ST18: variants seen among roughly 807,000 people sequenced by gnomAD.
ST18 encodes suppression of tumorigenicity 18 protein.
In ST18, 50 loss-of-function variants were observed where a neutral mutation model predicts 110.0. That is an observed-to-expected ratio of 0.45 (90% CI 0.36 to 0.58). The LOEUF (loss-of-function observed/expected upper bound fraction) is 0.58, where lower values mean the gene tolerates loss of function less well. ST18 is among the 20% of genes least tolerant of loss of function. The probability of loss-of-function intolerance (pLI) is 0.00; values close to 1 mark genes in which losing one functional copy is unlikely to be tolerated. For missense variants in ST18, 1,306 were observed against 1,280.1 expected, an observed-to-expected ratio of 1.02 and a Z score of -0.31; for synonymous variants, 461 against 452.4, an observed-to-expected ratio of 1.02 and a Z score of -0.24.
intron 16 of ST18, among the ~76,000 whole-genome samples, chr8:52,143,833 T>A (rs2056237650): frequency 6.6e-6 from 1 of 152,240 alleles, no homozygotes; most frequent in African/African-American, 2.4e-5. Context: ...ATGCCCTTTC[T>A]AATGTACAGG....
At chr8:52,320,919 C>A (rs1803623445) in intron 2 of ST18, among the ~76,000 whole-genome samples, 1 of 152,110 alleles carries the variant, frequency 6.6e-6, no homozygotes, top group Non-Finnish European at 1.5e-5. Flanking sequence ...TTAAGAAATG[C>A]TCATCAATAG....
chr8:52,238,085 A>G (rs2092928583), intron 2 of ST18, among the ~76,000 whole-genome samples: 1 of 152,244 alleles, frequency 6.6e-6, no homozygotes, highest in African/African-American at 2.4e-5. Context: ...GAGGATGTGA[A>G]GAAATCCAAC....
rs2067992211 is a variant in ST18 at position 52,178,642 on chromosome 8, AAC to A, written c.277+1478_277+1479del. Among the ~76,000 whole-genome samples the A allele has an allele frequency of 1.5e-4, 17 of 109,944 alleles. 7 individuals are homozygous for A. The highest frequency in any genetic ancestry group is 2.3e-4 in the Non-Finnish European group (14 of 61,054). The allele number at this position is 109,944 out of a possible 152,430, so 72.1% of individuals were successfully genotyped here. A position where few individuals can be genotyped will look rare whatever the true frequency, so the allele number is the denominator to read the frequency against. On this transcript the variant is annotated intron_variant, in intron 9 of 25. Coordinates refer to ENST00000689386, the MANE Select transcript of ST18 (RefSeq NM_001352837.2). The stretch of plus-strand genomic sequence containing the variant: ...AAAAAAAAAAAAAAAAAAAAAAAAA[AAC>A]CACCAAAAACCAAAATAAAACAAAC...
intron 2 of ST18, chr8:52,296,502 C>G (rs1011444213): frequency 2.6e-5 from 4 of 152,208 alleles, no homozygotes; most frequent in African/African-American, 9.7e-5. Flanking sequence ...CAGTGAACGT[C>G]GAGCATGCAC....
intron 25 of ST18, among the ~76,000 whole-genome samples, chr8:52,115,082 C>T (rs765175667): frequency 6.6e-6 from 1 of 152,142 alleles, no homozygotes; most frequent in Non-Finnish European, 1.5e-5. Flanking sequence ...TTCATTATTA[C>T]ATTATTGATT....
Position 52,133,109 on chromosome 8 carries a change from C to G in ST18, c.2392G>C (p.Gly798Arg). The G allele has an allele frequency of 1.2e-6, 2 of 1,614,158 alleles. No individual in the cohort carries two copies. The highest frequency in any genetic ancestry group is 2.2e-5 in the South Asian group (2 of 91,082). Residue 798 changes from glycine (G) to arginine (R), a missense_variant, in exon 21 of 26, where the codon GGT becomes CGT. Coordinates refer to ENST00000689386, the MANE Select transcript of ST18 (RefSeq NM_001352837.2). ...TTGGTAGGGGTCATTTTGACACCAC[C>G]TTTCCTTGCACGAGGGCATCCGGAC... ...SLSGCPRARK[G>R]GVKMTPTKEE...
At position 52,311,115 on chromosome 8, in the gene ST18, A is replaced by T. The variant is rs139172773; in HGVS notation, c.-464-81038T>A. On this transcript the variant is annotated intron_variant, in intron 2 of 25. Coordinates refer to ENST00000689386, the MANE Select transcript of ST18 (RefSeq NM_001352837.2). ...GTAGTGAAGGCTGGGGAAGAAGCAG[A>T]TAGGGAAGGGGTCCATTGTCAACAT... Among the ~76,000 whole-genome samples the T allele has an allele frequency of 3.6e-3, 547 of 152,344 alleles. 4 individuals are homozygous for T. The highest frequency in any genetic ancestry group is 0.013 in the African/African-American group (534 of 41,576).
chr8:52,134,743 C>T (rs1462005861), intron 19 of ST18, among the ~76,000 whole-genome samples: 2 of 152,050 alleles, frequency 1.3e-5, no homozygotes, highest in Non-Finnish European at 2.9e-5. Flanking sequence ...GTTTTACATG[C>T]TGGTCTTTTT....
At chr8:52,280,806 A>G (rs955141635) in intron 2 of ST18, among the ~76,000 whole-genome samples, 2 of 152,104 alleles carry the variant, frequency 1.3e-5, no homozygotes, top group Non-Finnish European at 1.5e-5. Flanking sequence ...AAATCCTTCC[A>G]GTAACTGATT....
chr8:52,251,308 A>C (rs1262732742), intron 2 of ST18, among the ~76,000 whole-genome samples: 1 of 152,170 alleles, frequency 6.6e-6, no homozygotes, highest in Non-Finnish European at 1.5e-5. Flanking sequence ...AGCCTTGCTT[A>C]ATATAAACAT....
intron 2 of ST18, among the ~76,000 whole-genome samples, chr8:52,310,039 T>C (rs2095878257): frequency 6.6e-6 from 1 of 152,226 alleles, no homozygotes; most frequent in African/African-American, 2.4e-5. Context: ...AGGCCATGTT[T>C]AGTCATTCAA....
intron 15 of ST18, among the ~76,000 whole-genome samples, chr8:52,155,774 G>A (rs2059867772): frequency 6.6e-6 from 1 of 152,114 alleles, no homozygotes; most frequent in Non-Finnish European, 1.5e-5. Context: ...ATTTTACAAA[G>A]CACCAATTCA....
chr8:52,204,572 C>T (rs1448882069), intron 8 of ST18, among the ~76,000 whole-genome samples: 2 of 152,086 alleles, frequency 1.3e-5, no homozygotes, highest in African/African-American at 2.4e-5. Flanking sequence ...GGTTTGTTAC[C>T]GATGCTGTGA....
intron 2 of ST18, among the ~76,000 whole-genome samples, chr8:52,399,492 T>C (rs1842211648): frequency 6.7e-6 from 1 of 148,414 alleles, no homozygotes; most frequent in Non-Finnish European, 1.5e-5. Context: ...TTGTTACTCT[T>C]TTTTTTTTAG....
chr8:52,247,217 CA>C (rs2093934445), intron 2 of ST18, among the ~76,000 whole-genome samples: 1 of 152,080 alleles, frequency 6.6e-6, no homozygotes, highest in South Asian at 2.1e-4. Context: ...TCTGACAACA[CA>C]AATTAAGTTT....
At chr8:52,168,478 A>C (rs892463778) in intron 10 of ST18, among the ~76,000 whole-genome samples, 4 of 152,022 alleles carry the variant, frequency 2.6e-5, no homozygotes, top group Admixed American at 2.6e-4. Flanking sequence ...GATGATAAAC[A>C]GTCCTAGGCA....
intron 2 of ST18, among the ~76,000 whole-genome samples, chr8:52,399,463 T>C (rs1474073730): frequency 6.6e-6 from 1 of 151,868 alleles, no homozygotes; most frequent in East Asian, 1.9e-4. Flanking sequence ...ATTTCTCTCC[T>C]GCTAACTTTA....
At chr8:52,347,533 G>A (rs568475771) in intron 2 of ST18, among the ~76,000 whole-genome samples, 8 of 152,270 alleles carry the variant, frequency 5.3e-5, no homozygotes, top group African/African-American at 1.7e-4. Flanking sequence ...GGGATGAAGA[G>A]AGAGGAGAGA....
chr8:52,164,612 C>T (rs1261484984), intron 12 of ST18, among the ~76,000 whole-genome samples: 3 of 152,192 alleles, frequency 2.0e-5, no homozygotes, highest in Non-Finnish European at 4.4e-5. Flanking sequence ...AGCATTTTCA[C>T]CCCAAATATT....
Sources: allele counts gnomAD v4.1 joint callset (sites outside exome capture counted in the v4.1 genomes callset), GRCh38; gene constraint gnomAD v4.1.1; transcripts MANE v1.5; gene names NCBI Gene and HGNC (gene_info 2026-07-23, HGNC 2026-07-21).